CDH6: variants seen among roughly 807,000 people sequenced by gnomAD.
CDH6 encodes the protein cadherin 6, also known as cadherin-6.
In CDH6, 31 loss-of-function variants were observed where a neutral mutation model predicts 78.0. The ratio of observed to expected loss-of-function variants is 0.40; its 90% confidence interval spans 0.30 to 0.54. CDH6 has a LOEUF of 0.54. Ranked by LOEUF, CDH6 falls within the 20% of genes least tolerant of loss-of-function variation. The pLI, the probability that CDH6 is intolerant of heterozygous loss-of-function variation, is 0.56. For missense variants in CDH6, 724 were observed against 975.9 expected, an observed-to-expected ratio of 0.74 and a Z score of 3.44; for synonymous variants, 376 against 368.8, an observed-to-expected ratio of 1.02 and a Z score of -0.23.
intron 1 of CDH6, among the ~76,000 whole-genome samples, chr5:31,211,393 A>T (rs1740700536): frequency 2.3e-5 from 1 of 44,394 alleles, no homozygotes; most frequent in East Asian, 3.1e-4. Context: ...AGCTTTAAGA[A>T]ACTTGAAAAA....
intron 1 of CDH6, among the ~76,000 whole-genome samples, chr5:31,252,363 A>G (rs1741934553): frequency 9.9e-6 from 1 of 100,792 alleles, no homozygotes. Context: ...ATTTTTATTA[A>G]TCATAAAAAT....
rs10533381 is a variant in CDH6, at chr5:31,200,567, TACACACAC to T, written c.-129+6705_-129+6712del. Among the ~76,000 whole-genome samples the T allele has an allele frequency of 3.0e-3, 438 of 144,470 alleles. 1 individual carries two copies. The highest frequency in any genetic ancestry group is 0.01 in the African/African-American group (409 of 39,534). The allele number at this position is 144,470 out of a possible 152,430, so 94.8% of individuals were successfully genotyped here. A position where few individuals can be genotyped will look rare whatever the true frequency, so the allele number is the denominator to read the frequency against. Reference sequence around the variant, plus strand: ...TACCAAGTAAAATTTCACACATACATACACACACACACACACACACACACACACACATA... The same window carrying T: ...TACCAAGTAAAATTTCACACATACATACACACACACACACACACACACATA... On this transcript the variant is annotated intron_variant, in intron 1 of 11. Coordinates refer to ENST00000265071, the MANE Select transcript of CDH6 (RefSeq NM_004932.4).
intron 2 of CDH6, among the ~76,000 whole-genome samples, chr5:31,272,908 A>ATTT (rs931527400): frequency 6.6e-6 from 1 of 152,146 alleles, no homozygotes; most frequent in South Asian, 2.1e-4. Context: ...GATAGGCTGT[A>ATTT]TTTTTTTAAA....
intron 1 of CDH6, among the ~76,000 whole-genome samples, chr5:31,265,967 G>A (rs577862888): frequency 2.6e-5 from 4 of 151,558 alleles, no homozygotes; most frequent in South Asian, 2.1e-4. Flanking sequence ...TAGTAGAGAC[G>A]GGGTTTCATT....
intron 6 of CDH6, 174 bp downstream of exon 6, chr5:31,302,472 C>A: frequency 2.0e-6 from 1 of 508,736 alleles, no homozygotes. Context: ...CCTGTAATCC[C>A]AGCACTTTTG....
chr5:31,285,396 A>C (rs765032910), intron 2 of CDH6, among the ~76,000 whole-genome samples: 9 of 152,240 alleles, frequency 5.9e-5, no homozygotes, highest in Non-Finnish European at 2.9e-5. Context: ...TCTCCAACTT[A>C]CAAGTTCCTT....
At chr5:31,238,793 T>C (rs1741520998) in intron 1 of CDH6, among the ~76,000 whole-genome samples, 1 of 152,220 alleles carries the variant, frequency 6.6e-6, no homozygotes, top group Admixed American at 6.5e-5. Context: ...CTGGACAACA[T>C]AGCTCTGGAA....
At chr5:31,198,471 G>A (rs1457368995) in intron 1 of CDH6, among the ~76,000 whole-genome samples, 1 of 152,136 alleles carries the variant, frequency 6.6e-6, no homozygotes, top group African/African-American at 2.4e-5. Flanking sequence ...TGAAGAAGAT[G>A]AGGCACATAA....
At chr5:31,317,993 G>A in intron 11 of CDH6, 69 bp downstream of exon 11, 1 of 1,561,298 alleles carries the variant, frequency 6.4e-7, no homozygotes, top group South Asian at 1.1e-5. Context: ...TGACACTCTA[G>A]ATTTATCTGC....
chr5:31,270,317 A>G (rs1343414417), intron 2 of CDH6, among the ~76,000 whole-genome samples: 1 of 152,198 alleles, frequency 6.6e-6, no homozygotes, highest in Non-Finnish European at 1.5e-5. Context: ...GTTAGACTCA[A>G]ACAACTTAAT....
chr5:31,255,767 T>C (rs1742038084), intron 1 of CDH6, among the ~76,000 whole-genome samples: 2 of 152,214 alleles, frequency 1.3e-5, no homozygotes, highest in Admixed American at 1.3e-4. Context: ...TTTATTACAT[T>C]AATTATTCTA....
At chr5:31,203,576 C>G (rs1179426665) in intron 1 of CDH6, among the ~76,000 whole-genome samples, 2 of 147,560 alleles carry the variant, frequency 1.4e-5, no homozygotes, top group Non-Finnish European at 1.5e-5. Context: ...AGGACATGAA[C>G]TCATCATTTT....
chr5:31,195,907 A>G (rs1159371907), intron 1 of CDH6, among the ~76,000 whole-genome samples: 1 of 152,250 alleles, frequency 6.6e-6, no homozygotes, highest in Non-Finnish European at 1.5e-5. Context: ...CAGCAGCCCA[A>G]TTTTGAAGGA....
At chr5:31,297,113 T>A (rs1157898932) in intron 3 of CDH6, among the ~76,000 whole-genome samples, 176 bp from the exon 4 acceptor site, 1 of 152,204 alleles carries the variant, frequency 6.6e-6, no homozygotes, top group African/African-American at 2.4e-5. Context: ...TATTTCTAAA[T>A]GTTGATTGTA....
At chr5:31,246,558 C>G (rs1043316789) in intron 1 of CDH6, among the ~76,000 whole-genome samples, 2 of 152,092 alleles carry the variant, frequency 1.3e-5, no homozygotes, top group African/African-American at 2.4e-5. Flanking sequence ...CACACTCAAG[C>G]CCAGGATTGT....
chr5:31,297,243 A>T, intron 3 of CDH6, 46 bp from the exon 4 acceptor site: 1 of 1,561,566 alleles, frequency 6.4e-7, no homozygotes. Flanking sequence ...TCAAAGATTG[A>T]TATGAACTCT....
At chr5:31,222,000 G>A (rs545493048) in intron 1 of CDH6, among the ~76,000 whole-genome samples, 48 of 152,210 alleles carry the variant, frequency 3.2e-4, no homozygotes, top group Non-Finnish European at 5.7e-4. Flanking sequence ...CAGCTAGTCA[G>A]CTTTAGAATG....
chr5:31,271,266 A>T (rs539803455), intron 2 of CDH6, among the ~76,000 whole-genome samples: 103 of 152,288 alleles, frequency 6.8e-4, no homozygotes, highest in Non-Finnish European at 1.3e-3. Flanking sequence ...AAGTGAGGGA[A>T]ACAAAAGGCT....
chr5:31,259,134 T>C (rs1742141215), intron 1 of CDH6, among the ~76,000 whole-genome samples: 1 of 152,318 alleles, frequency 6.6e-6, no homozygotes, highest in Admixed American at 6.5e-5. Flanking sequence ...AATATAGCAA[T>C]GTTAACCAGT....
Sources: allele counts gnomAD v4.1 joint callset (sites outside exome capture counted in the v4.1 genomes callset), GRCh38; gene constraint gnomAD v4.1.1; transcripts MANE v1.5; gene names NCBI Gene and HGNC (gene_info 2026-07-23, HGNC 2026-07-21).